Variants in ATP1A3 observed in about 807,000 individuals in gnomAD.
ATP1A3 encodes the protein sodium/potassium-transporting ATPase subunit alpha-3.
A neutral mutation model predicts 108.8 loss-of-function variants in ATP1A3; 12 were observed. The ratio of observed to expected loss-of-function variants is 0.11; its 90% CI spans 0.07 to 0.18. ATP1A3 has a LOEUF of 0.18. Ranked by LOEUF, ATP1A3 falls within the 10% of genes least tolerant of loss-of-function variation. The pLI is 1.00. For synonymous variants in ATP1A3, 539 were observed against 564.5 expected, an observed-to-expected ratio of 0.95 and a Z score of 0.64; for missense variants, 498 against 1,387.7, an observed-to-expected ratio of 0.36 and a Z score of 10.19.
rs2075045823 is a variant in ATP1A3, at chr19:41,966,741, G to A, written c.*196C>T. On this transcript the variant is annotated 3_prime_UTR_variant, in exon 23 of 23. Coordinates refer to ENST00000648268, the MANE Select transcript of ATP1A3 (RefSeq NM_152296.5). ...GAGAGAAACTGACACAGAAAAGAGA[G>A]AGGAGAGAGGTTTGGGGCAGGGGAG... is the stretch of plus-strand genomic sequence containing the variant. The A allele has an allele frequency of 6.5e-7, 1 of 1,533,700 alleles. No individual in the cohort carries two copies. Among genetic ancestry groups the A allele is most frequent in the African/African-American group, 1.4e-5 (1 of 72,214 alleles).
At chr19:41,980,260 T>C (rs1024221656) in intron 11 of ATP1A3, among the ~76,000 whole-genome samples, 7 of 152,240 alleles carry the variant, frequency 4.6e-5, no homozygotes, top group Non-Finnish European at 7.3e-5. Context: ...TGTCACTCAC[T>C]ACTGTGTGTA....
At chr19:41,982,379 A>C (rs532878731) in intron 8 of ATP1A3, among the ~76,000 whole-genome samples, 3 of 152,264 alleles carry the variant, frequency 2.0e-5, no homozygotes, top group South Asian at 2.1e-4. Flanking sequence ...TAATCCCAGC[A>C]CTTTGGGAGG....
At chr19:41,975,520 G>A in intron 16 of ATP1A3, 109 bp downstream of exon 16, 1 of 1,487,900 alleles carries the variant, frequency 6.7e-7, no homozygotes, top group Non-Finnish European at 9.2e-7. Context: ...GGGCCAGGGG[G>A]CCTGTGGTCT....
intron 1 of ATP1A3, among the ~76,000 whole-genome samples, chr19:41,991,913 C>G (rs1325191864): frequency 9.1e-6 from 1 of 110,072 alleles, no homozygotes; most frequent in Non-Finnish European, 1.8e-5. Flanking sequence ...AGGGGCTGGG[C>G]CTGGACCCCT....
rs1227177351 is a variant in ATP1A3 at position 41,966,685 on chromosome 19, C to T, written c.*252G>A. The stretch of plus-strand genomic sequence containing the variant: ...AAAGAGCCCAGGGAGGTGGCTGGGG[C>T]GGGAGGAATGGATAGAGGGGTGAGG... On this transcript the variant is annotated 3_prime_UTR_variant, in exon 23 of 23. Transcript: ENST00000648268. 1.0e-5 allele frequency: 16 copies of T among 1,532,684 alleles called. No homozygotes were observed. The highest frequency in any genetic ancestry group is 1.3e-5 in the Non-Finnish European group (15 of 1,136,972). 94.9% of individuals were successfully genotyped at this position (1,532,684 alleles called of 1,614,324 possible).
In ATP1A3 at chr19:41,994,189, C is replaced by A; in HGVS notation, c.-113G>T. ...CAGCGCCCGCGCCTCGGTAGGTGCG[C>A]GCGTCCGTCCGTCCGTCCGTTGGTC... On this transcript the variant is annotated 5_prime_UTR_variant, in exon 1 of 23. Coordinates refer to ENST00000648268, the MANE Select transcript of ATP1A3 (RefSeq NM_152296.5). 2.9e-6 allele frequency: 3 copies of A among 1,034,504 alleles called. No homozygotes were observed. Among genetic ancestry groups the A allele is most frequent in the Non-Finnish European group, 4.0e-6 (3 of 758,166 alleles). The allele number at this position is 1,034,504 out of a possible 1,614,324, so 64.1% of individuals were successfully genotyped here.
At chr19:41,984,638 T>C (rs1235443538) in intron 8 of ATP1A3, 7 of 412,054 alleles carry the variant, frequency 1.7e-5, no homozygotes, top group Non-Finnish European at 2.6e-5. Flanking sequence ...TTTCTCAAGA[T>C]TTTTGTTTGT....
In ATP1A3 at chr19:41,985,037, G is replaced by C. The variant is rs2075273242; in HGVS notation, c.874C>G (p.Leu292Val). Reference sequence around the variant, plus strand: ...GAGAGGATGAAGAAGGAGACACCCAGGAAGACAGCCACGCCGGTGATGAGC... The same window carrying C: ...GAGAGGATGAAGAAGGAGACACCCACGAAGACAGCCACGCCGGTGATGAGC... The part of the protein sequence containing the change: ...IQLITGVAVF[L>V]GVSFFILSLI... The change falls in exon 8 of 23, where the codon CTG becomes GTG. Residue 292 changes from leucine to valine, a missense_variant. This residue lies in a region of ATP1A3 where 127 missense variants were observed against 464.0 expected (regional missense o/e 0.27). Transcript: ENST00000648268. The surrounding 1 kb of genome is among the most constrained non-coding windows in gnomAD (Gnocchi z 8.2). 6.2e-7 allele frequency: 1 copy of C among 1,613,974 alleles called. No individual in the cohort carries two copies. The highest frequency in any genetic ancestry group is 8.5e-7 in the Non-Finnish European group (1 of 1,179,960).
At chr19:41,970,973 T>C (rs528957659) in intron 16 of ATP1A3, among the ~76,000 whole-genome samples, 1 of 149,298 alleles carries the variant, frequency 6.7e-6, no homozygotes, top group South Asian at 2.1e-4. Flanking sequence ...CCCACCATTA[T>C]TTTCTTTTTG....
intron 8 of ATP1A3, among the ~76,000 whole-genome samples, chr19:41,982,443 T>C (rs2075243613): frequency 6.6e-6 from 1 of 152,104 alleles, no homozygotes; most frequent in South Asian, 2.1e-4. Context: ...CTGGCTAACA[T>C]GGTGAAACCC....
chr19:41,969,362 G>A lies in ATP1A3; in HGVS notation c.2688+73C>T, dbSNP rs960090398. Reference sequence around the variant, plus strand: ...ACTGAGGGGGCCATCGTAGGAAGTGGCCATGCATGGCTGGAACAGCTCACC... The same window carrying A: ...ACTGAGGGGGCCATCGTAGGAAGTGACCATGCATGGCTGGAACAGCTCACC... On this transcript the variant is annotated intron_variant, in intron 19 of 22. Transcript: ENST00000648268. The A allele has an allele frequency of 2.5e-6, 4 of 1,607,978 alleles. No homozygotes were observed. The African/African-American group carries it at 5.3e-5, about 22-fold the overall frequency.
chr19:41,968,980 C>G lies in ATP1A3; in HGVS notation c.2689-65G>C, dbSNP rs1219067172. 1.2e-6 allele frequency: 2 copies of G among 1,609,310 alleles called. No homozygotes were observed. The highest frequency in any genetic ancestry group is 2.7e-5 in the African/African-American group (2 of 74,840). ...GGCACTGCAGCCCTAGCCGCCACCC[C>G]GACGTTCCGGTGCTCTTTGCCCCGC... On this transcript the variant is annotated intron_variant, in intron 19 of 22. Transcript: ENST00000648268. This position sits in a 1 kb window ranked among gnomAD's most constrained non-coding sequence, Gnocchi z 5.0.
intron 16 of ATP1A3, among the ~76,000 whole-genome samples, chr19:41,974,844 C>T (rs1157520288): frequency 1.3e-5 from 2 of 152,230 alleles, no homozygotes; most frequent in African/African-American, 4.8e-5. Flanking sequence ...GCAGCACCAG[C>T]CTCAGACCCA....
At chr19:41,989,520 T>C (rs2075316773) in intron 1 of ATP1A3, among the ~76,000 whole-genome samples, 1 of 151,828 alleles carries the variant, frequency 6.6e-6, no homozygotes, top group Non-Finnish European at 1.5e-5. Context: ...AGGGTTTCAC[T>C]GTGTTAGCCA....
chr19:41,969,991 G>A (rs781792815), intron 18 of ATP1A3, among the ~76,000 whole-genome samples, 194 bp downstream of exon 18: 6 of 152,172 alleles, frequency 3.9e-5, no homozygotes, highest in African/African-American at 7.2e-5. Context: ...CTGGGGATCC[G>A]CACACATCAA....
chr19:41,978,290 G>A lies in ATP1A3; in HGVS notation c.1667C>T (p.Pro556Leu). ...CHYYLPEEQF[P>L]KGFAFDCDDV... ...ATCACAGTCGAAGGCAAAGCCCTTG[G>A]GGAACTGCTCCTCGGGCAGGTAATA... Residue 556 changes from proline (P) to leucine (L), a missense_variant, in exon 13 of 23, where the codon CCC becomes CTC. By Grantham distance (98) the Pro-to-Leu change is moderately conservative. Coordinates refer to ENST00000648268, the MANE Select transcript of ATP1A3 (RefSeq NM_152296.5). This position sits in a 1 kb window ranked among gnomAD's most constrained non-coding sequence, Gnocchi z 8.3. 1 of 1,610,966 alleles carries A rather than the reference G, an allele frequency of 6.2e-7. No homozygotes were observed. Among genetic ancestry groups the A allele is most frequent in the Non-Finnish European group, 8.5e-7 (1 of 1,178,726 alleles).
In ATP1A3 at chr19:41,989,464, G is replaced by A. The variant is rs529879353; in HGVS notation, c.7-902C>T. Reference sequence around the variant, plus strand: ...CTCCCGAGTAGCTGGGACTACAGGCGCCCGCCACTACGCCCGGCTCATTTT... The same window carrying A: ...CTCCCGAGTAGCTGGGACTACAGGCACCCGCCACTACGCCCGGCTCATTTT... On this transcript the variant is annotated intron_variant, in intron 1 of 22. Coordinates refer to ENST00000648268, the MANE Select transcript of ATP1A3 (RefSeq NM_152296.5). Among the ~76,000 whole-genome samples the A allele has an allele frequency of 1.4e-4, 21 of 151,416 alleles. No homozygotes were observed. In the South Asian group the frequency reaches 2.5e-3, roughly 18 times the overall value.
chr19:41,978,672 C>T lies in ATP1A3; in HGVS notation c.1564G>A (p.Glu522Lys), dbSNP rs782769181. Residue 522 changes from glutamate to lysine, a missense_variant, in exon 12 of 23, where the codon GAG becomes AAG. Glu to Lys is a moderately conservative substitution (Grantham distance 56). This residue lies in a region of ATP1A3 where 92 missense variants were observed against 168.7 expected (regional missense o/e 0.55). Coordinates refer to ENST00000648268, the MANE Select transcript of ATP1A3 (RefSeq NM_152296.5). This position sits in a 1 kb window ranked among gnomAD's most constrained non-coding sequence, Gnocchi z 8.3. The part of the protein sequence containing the change: ...LLQGKEQPLD[E>K]EMKEAFQNAY... ...TTCTGGAAGGCCTCCTTCATTTCCTCGTCCAGAGGCTGCTCCTTGCCCTGT... is the reference window on the plus strand; with the variant it reads ...TTCTGGAAGGCCTCCTTCATTTCCTTGTCCAGAGGCTGCTCCTTGCCCTGT... 9.3e-6 allele frequency: 15 copies of T among 1,614,132 alleles called. No homozygotes were observed. The highest frequency in any genetic ancestry group is 4.4e-5 in the South Asian group (4 of 91,088).
chr19:41,993,546 C>T (rs1323708374), intron 1 of ATP1A3: 18 of 769,292 alleles, frequency 2.3e-5, no homozygotes, highest in Non-Finnish European at 3.4e-5. Flanking sequence ...CACACACACA[C>T]ACACTGCGGA....
Sources: allele counts gnomAD v4.1 joint callset (sites outside exome capture counted in the v4.1 genomes callset), GRCh38; gene constraint gnomAD v4.1.1; regional missense constraint gnomAD v4.1.1; non-coding constraint Gnocchi (gnomAD v3.1); transcripts MANE v1.5; gene names NCBI Gene and HGNC (gene_info 2026-07-23, HGNC 2026-07-21).